The following CREB3L2 variants were observed in gnomAD, a reference collection of about 807,000 sequenced individuals.
The protein encoded by CREB3L2 is cAMP responsive element binding protein 3 like 2, also known as cyclic AMP-responsive element-binding protein 3-like protein 2.
Under a neutral mutation model 57.2 loss-of-function variants are expected in CREB3L2, and 23 were observed. The ratio of observed to expected loss-of-function variants is 0.40; its 90% CI spans 0.29 to 0.57. The LOEUF (loss-of-function observed/expected upper bound fraction) is 0.57, where lower values mean the gene tolerates loss of function less well. Ranked by LOEUF, CREB3L2 falls within the 20% of genes least tolerant of loss-of-function variation. CREB3L2 has a pLI of 0.42. For synonymous variants in CREB3L2, 268 were observed against 265.1 expected (o/e 1.01, Z -0.11); for missense variants, 628 against 634.7 (o/e 0.99, Z 0.11).
At chr7:137,918,079 G>A (rs561660710) in intron 2 of CREB3L2, among the ~76,000 whole-genome samples, 1 of 152,332 alleles carries the variant, frequency 6.6e-6, no homozygotes, top group African/African-American at 2.4e-5. Flanking sequence ...TTAGGAGCTA[G>A]AAGACAATGT....
At chr7:137,919,022 C>T (rs1391271783) in intron 2 of CREB3L2, among the ~76,000 whole-genome samples, 1 of 152,090 alleles carries the variant, frequency 6.6e-6, no homozygotes, top group African/African-American at 2.4e-5. Flanking sequence ...AGAGAGAAGC[C>T]CAAGGAAGCG....
rs150245352 is a variant in CREB3L2, at chr7:137,875,848, T to A, written c.*4628A>T. 9.4e-4 allele frequency: 212 copies of A among 224,644 alleles called. No homozygotes were observed. The highest frequency in any genetic ancestry group is 4.4e-3 in the African/African-American group (199 of 45,018). The allele number at this position is 224,644 out of a possible 1,614,324, so 13.9% of individuals were successfully genotyped here. On this transcript the variant is annotated 3_prime_UTR_variant, in exon 12 of 12. Transcript: ENST00000330387. ...AATGCTCAAGAAATATTATTTCCCT[T>A]CCTTCTAGAAACCAAGGCTAAATAA...
chr7:137,920,033 G>A (rs1800236565), intron 2 of CREB3L2, among the ~76,000 whole-genome samples: 1 of 152,204 alleles, frequency 6.6e-6, no homozygotes, highest in Non-Finnish European at 1.5e-5. Context: ...TTGGGTAGAG[G>A]TTGTAATTGC....
rs1442307155 is a variant in CREB3L2, at chr7:137,929,706, C to CAA, written c.103-1342_103-1341dup. ...TGAAACCCTGTCTTTACTAAATATA[C>CAA]AAAAAAAAAAAAATTAGCTGGGTGT... On this transcript the variant is annotated intron_variant, in intron 1 of 11. Transcript: ENST00000330387. Among the ~76,000 whole-genome samples, 168 of 132,858 alleles carry CAA rather than the reference C, an allele frequency of 1.3e-3. 1 individual carries two copies. The highest frequency in any genetic ancestry group is 4.5e-3 in the African/African-American group (165 of 36,350). The allele number at this position is 132,858 out of a possible 152,430, so 87.2% of individuals were successfully genotyped here.
At position 137,880,122 on chromosome 7, in the gene CREB3L2, C is replaced by T. The variant is rs191080870; in HGVS notation, c.*354G>A. 2.0e-5 allele frequency: 7 copies of T among 345,294 alleles called. No homozygotes were observed. The highest frequency in any genetic ancestry group is 1.4e-4 in the East Asian group (3 of 21,488). 21.4% of individuals were successfully genotyped at this position (345,294 alleles called of 1,614,324 possible). A position where few individuals can be genotyped will look rare whatever the true frequency, so the allele number is the denominator to read the frequency against. The stretch of plus-strand genomic sequence containing the variant: ...GGTCTTGACTGAACAAGAGCCATCT[C>T]GTCTCCAAAGCGGGGGGTTACACCT... On this transcript the variant is annotated 3_prime_UTR_variant, in exon 12 of 12. Transcript: ENST00000330387. This position sits in a 1 kb window ranked among gnomAD's most constrained non-coding sequence, Gnocchi z 4.0.
At chr7:137,935,324 C>T (rs1368819370) in intron 1 of CREB3L2, among the ~76,000 whole-genome samples, 1 of 152,188 alleles carries the variant, frequency 6.6e-6, no homozygotes, top group African/African-American at 2.4e-5. Flanking sequence ...TTTCTACTTG[C>T]ACACCAGCTT....
Position 137,928,347 on chromosome 7 carries a change from T to C in CREB3L2, c.122A>G (p.Asp41Gly). The C allele has an allele frequency of 3.1e-6, 5 of 1,613,904 alleles. No individual in the cohort carries two copies. The highest frequency in any genetic ancestry group is 4.2e-6 in the Non-Finnish European group (5 of 1,179,922). ...MYHTHFSELL[D>G]EFSQNVLGQL... ...ACCCAAGACGTTCTGGGAAAACTCA[T>C]CCAGAAGTTCTGAGAAGTGCTACAA... The change falls in exon 2 of 12, where the codon GAT becomes GGT. Residue 41 changes from aspartate to glycine, a missense_variant. This residue lies in a region of CREB3L2 where 339 missense variants were observed against 355.4 expected (regional missense o/e 0.95). Transcript: ENST00000330387.
chr7:137,939,494 G>A (rs1256334047), intron 1 of CREB3L2, among the ~76,000 whole-genome samples: 2 of 152,196 alleles, frequency 1.3e-5, no homozygotes, highest in East Asian at 3.8e-4. Flanking sequence ...AGAGCAGACA[G>A]AGCTGTTCCA....
At position 138,001,211 on chromosome 7, in the gene CREB3L2, CTACT is replaced by C. The variant is rs1186010200; in HGVS notation, c.102+389_102+392del. Among the ~76,000 whole-genome samples the C allele has an allele frequency of 6.6e-6, 1 of 151,262 alleles. No homozygotes were observed. The highest frequency in any genetic ancestry group is 1.5e-5 in the Non-Finnish European group (1 of 67,872). On this transcript the variant is annotated intron_variant, in intron 1 of 11. Coordinates refer to ENST00000330387, the MANE Select transcript of CREB3L2 (RefSeq NM_194071.4). This position sits in a 1 kb window ranked among gnomAD's most constrained non-coding sequence, Gnocchi z 4.2. ...ATACGAGACAGATGAAAAGGAAATG[CTACT>C]TAATCTTGTCCAGTTTTTGAAAACC...
rs973994520 is a variant in CREB3L2, at chr7:137,879,619, C to A, written c.*857G>T. 2 of 246,504 alleles carry A rather than the reference C, an allele frequency of 8.1e-6. No homozygotes were observed. The highest frequency in any genetic ancestry group is 1.6e-5 in the Non-Finnish European group (2 of 126,630). The allele number at this position is 246,504 out of a possible 1,614,324, so 15.3% of individuals were successfully genotyped here. ...AAACAAAACATTGTCTGGAAAGACACGGGATCCCAGAGCCTAGGGTGCCCT... is the reference window on the plus strand; with the variant it reads ...AAACAAAACATTGTCTGGAAAGACAAGGGATCCCAGAGCCTAGGGTGCCCT... On this transcript the variant is annotated 3_prime_UTR_variant, in exon 12 of 12. Coordinates refer to ENST00000330387, the MANE Select transcript of CREB3L2 (RefSeq NM_194071.4).
chr7:137,974,476 T>C (rs1394984195), intron 1 of CREB3L2, among the ~76,000 whole-genome samples: 5 of 152,110 alleles, frequency 3.3e-5, no homozygotes, highest in South Asian at 2.1e-4. Context: ...AGGGGACTCA[T>C]GGATGGAGCG....
In CREB3L2 at chr7:137,905,791, C is replaced by T. The variant is rs757149656; in HGVS notation, c.826G>A (p.Ala276Thr). 8.7e-6 allele frequency: 14 copies of T among 1,613,958 alleles called. No homozygotes were observed. The highest frequency in any genetic ancestry group is 5.3e-5 in the African/African-American group (4 of 74,912). The change falls in exon 6 of 12, where the codon GCT becomes ACT. Residue 276 changes from alanine (A) to threonine (T), a missense_variant. By Grantham distance (58) the Ala-to-Thr change is moderately conservative. This residue lies in a region of CREB3L2 where 339 missense variants were observed against 355.4 expected (regional missense o/e 0.95). Coordinates refer to ENST00000330387, the MANE Select transcript of CREB3L2 (RefSeq NM_194071.4). ...TTGGTGGGGATGGGATAGCCCTCAGCGATCAGGGTCCTCTTCTCCTCCTCT... is the reference window on the plus strand; with the variant it reads ...TTGGTGGGGATGGGATAGCCCTCAGTGATCAGGGTCCTCTTCTCCTCCTCT... ...LTEEEKRTLI[A>T]EGYPIPTKLP...
intron 1 of CREB3L2, among the ~76,000 whole-genome samples, chr7:137,971,428 C>T (rs1252338570): frequency 6.8e-6 from 1 of 146,724 alleles, no homozygotes; most frequent in Non-Finnish European, 1.5e-5. Flanking sequence ...CCAGCCTGGG[C>T]ATCAGAGCGA....
chr7:137,908,812 A>G (rs1477120333), intron 4 of CREB3L2, among the ~76,000 whole-genome samples: 1 of 152,178 alleles, frequency 6.6e-6, no homozygotes, highest in Non-Finnish European at 1.5e-5. Flanking sequence ...CATCTCTACT[A>G]AAAATACAAA....
chr7:137,886,723 C>CAAA (rs1799427231), intron 8 of CREB3L2, among the ~76,000 whole-genome samples: 1 of 122,234 alleles, frequency 8.2e-6, no homozygotes, highest in African/African-American at 6.4e-5. Flanking sequence ...AGAGCAAGAG[C>CAAA]AGAAAAAAAA....
At chr7:137,925,623 C>CT (rs955199794) in intron 2 of CREB3L2, among the ~76,000 whole-genome samples, 17 of 152,258 alleles carry the variant, frequency 1.1e-4, no homozygotes, top group Non-Finnish European at 1.3e-4. Flanking sequence ...AGATCGCCAC[C>CT]TTAAGGGGGA....
At chr7:137,921,589 C>A (rs746638189) in intron 2 of CREB3L2, among the ~76,000 whole-genome samples, 1 of 151,892 alleles carries the variant, frequency 6.6e-6, no homozygotes, top group African/African-American at 2.4e-5. Context: ...CGTAGCTAAG[C>A]GCATTGAATG....
intron 1 of CREB3L2, among the ~76,000 whole-genome samples, chr7:137,932,286 T>TA (rs962908463): frequency 2.0e-5 from 3 of 152,054 alleles, no homozygotes; most frequent in Admixed American, 6.5e-5. Flanking sequence ...TGTAACATTG[T>TA]AAAAAAAATT....
intron 1 of CREB3L2, among the ~76,000 whole-genome samples, chr7:137,975,675 T>A (rs1801594438): frequency 6.6e-6 from 1 of 151,920 alleles, no homozygotes; most frequent in Non-Finnish European, 1.5e-5. Context: ...CACCTCAACA[T>A]CCAATTGTAA....
Sources: allele counts gnomAD v4.1 joint callset (sites outside exome capture counted in the v4.1 genomes callset), GRCh38; gene constraint gnomAD v4.1.1; regional missense constraint gnomAD v4.1.1; non-coding constraint Gnocchi (gnomAD v3.1); transcripts MANE v1.5; gene names NCBI Gene and HGNC (gene_info 2026-07-23, HGNC 2026-07-21).